Variants in GOLGA8A observed in about 807,000 individuals in gnomAD.
GOLGA8A encodes the protein golgin subfamily A member 8A.
A neutral mutation model predicts 22.1 loss-of-function variants in GOLGA8A; 3 were observed. The observed-to-expected ratio is 0.14, with a 90% CI of 0.06 to 0.35. The LOEUF is 0.35. Among genes scored for constraint, GOLGA8A ranks in the 10% least tolerant of loss-of-function variants. The pLI is 1.00. For synonymous variants in GOLGA8A, 7 were observed against 91.7 expected (o/e 0.08, Z 5.28); for missense variants, 16 against 233.2 (o/e 0.07, Z 6.07).
chr15:34,418,284 C>G (rs578262083), intron 2 of GOLGA8A: 1 of 136,642 alleles, frequency 7.3e-6, no homozygotes, highest in East Asian at 2.4e-4. Flanking sequence ...GAGCAAATTC[C>G]AAAGACATTG....
At chr15:34,418,130 T>TAAAAAAAAAAA (rs60344538) in intron 2 of GOLGA8A, 5 of 62,774 alleles carry the variant, frequency 8.0e-5, no homozygotes, top group South Asian at 1.2e-3. Flanking sequence ...GTAGATTCTT[T>TAAAAAAAAAAA]AAAAAAAAAA....
At chr15:34,429,933 A>G (rs1893154734) in intron 2 of GOLGA8A, among the ~76,000 whole-genome samples, 1 of 148,032 alleles carries the variant, frequency 6.8e-6, no homozygotes, top group Non-Finnish European at 1.5e-5. Flanking sequence ...AGATAAAAGG[A>G]GCAACACATA....
chr15:34,385,978 AG>A (rs1354652918), intron 12 of GOLGA8A, among the ~76,000 whole-genome samples, 200 bp from the exon 13 acceptor site: 1 of 132,706 alleles, frequency 7.5e-6, no homozygotes. Flanking sequence ...CACAACTCAA[AG>A]TCTGAATCAG....
chr15:34,397,508 T>C (rs1373964269), intron 8 of GOLGA8A, among the ~76,000 whole-genome samples: 4 of 148,644 alleles, frequency 2.7e-5, no homozygotes, highest in East Asian at 3.9e-4. Context: ...GAAACATTCA[T>C]TGTTTCTGAT....
chr15:34,435,072 C>T lies in GOLGA8A; in HGVS notation c.-1123+311G>A, dbSNP rs974376052. Among the ~76,000 whole-genome samples the T allele has an allele frequency of 2.0e-5, 3 of 149,640 alleles. 1 individual carries two copies. The highest frequency in any genetic ancestry group is 3.9e-4 in the East Asian group (2 of 5,088). On this transcript the variant is annotated intron_variant, in intron 2 of 24. Transcript: ENST00000359187. ...GTAAAGGTTTCTCCAAGACTTCAGA[C>T]GACGGTGTCACCTGAGGCCCTCACC...
chr15:34,386,544 G>GCCC, intron 12 of GOLGA8A, 81 bp downstream of exon 12: 1 of 1,378,600 alleles, frequency 7.3e-7, no homozygotes, highest in Non-Finnish European at 9.7e-7. Flanking sequence ...GGGGCCCCCA[G>GCCC]CCCCCTTCTT....
chr15:34,426,131 G>A (rs79356377), intron 2 of GOLGA8A, among the ~76,000 whole-genome samples: 12,941 of 148,236 alleles, frequency 0.087, 1,431 homozygotes, highest in South Asian at 0.23. Context: ...ACCCCATGCA[G>A]ATGCAAGGGT....
At chr15:34,428,992 T>A (rs375822589) in intron 2 of GOLGA8A, 1 of 147,012 alleles carries the variant, frequency 6.8e-6, no homozygotes, top group East Asian at 2.0e-4. Context: ...CAGAACCCAG[T>A]GGGGAGTGGG....
intron 12 of GOLGA8A, among the ~76,000 whole-genome samples, chr15:34,386,197 C>T (rs1891708509): frequency 6.9e-6 from 1 of 145,666 alleles, no homozygotes; most frequent in African/African-American, 2.7e-5. Flanking sequence ...TTCTAGGGGG[C>T]CTTTAAATCT....
At position 34,434,256 on chromosome 15, in the gene GOLGA8A, G is replaced by A. The variant is rs1893390035; in HGVS notation, c.-1123+1127C>T. On this transcript the variant is annotated intron_variant, in intron 2 of 24. Transcript: ENST00000359187. ...ATGGATGTGGAGGGAGCACTGGAAA[G>A]CCACTGAAGGCCTGGGCAATGGTGA... is the stretch of plus-strand genomic sequence containing the variant. 1.3e-5 allele frequency among the ~76,000 whole-genome samples: 2 copies of A among 149,512 alleles called. 1 individual carries two copies. Among genetic ancestry groups the A allele is most frequent in the Non-Finnish European group, 3.0e-5 (2 of 67,200 alleles).
rs1216305088 is a variant in GOLGA8A, at chr15:34,437,502, T to G, written c.-1316A>C. ...CGCCGCCGTCCTCGCCGCGCCGCCG[T>G]CCTCGCCGCGCCGCCGTCCTCGCCG... On this transcript the variant is annotated 5_prime_UTR_variant, in exon 1 of 25. Transcript: ENST00000359187. 1.8e-4 allele frequency: 6 copies of G among 33,876 alleles called. No homozygotes were observed. The highest frequency in any genetic ancestry group is 8.0e-4 in the African/African-American group (5 of 6,222). The allele number at this position is 33,876 out of a possible 1,614,324, so 2.1% of individuals were successfully genotyped here.
intron 2 of GOLGA8A, among the ~76,000 whole-genome samples, chr15:34,429,797 T>C (rs1340814324): frequency 6.8e-6 from 1 of 147,408 alleles, no homozygotes; most frequent in Non-Finnish European, 1.5e-5. Context: ...CTGCTCCCGG[T>C]TGTACCACTG....
Position 34,423,920 on chromosome 15 carries a change from T to C in GOLGA8A, c.-1123+11463A>G, listed in dbSNP as rs1362318218. Among the ~76,000 whole-genome samples, 13 of 148,626 alleles carry C rather than the reference T, an allele frequency of 8.7e-5. 1 individual carries two copies. Among genetic ancestry groups the C allele is most frequent in the Non-Finnish European group, 1.6e-4 (11 of 66,890 alleles). ...ACCACTGCCTGGGGGTCCTCACGTT[T>C]GGAGGAAGCAGCTGAGGCTACCAGC... On this transcript the variant is annotated intron_variant, in intron 2 of 24. Transcript: ENST00000359187.
rs1891397714 is a variant in GOLGA8A at position 34,379,944 on chromosome 15, T to C, written c.*1467A>G. On this transcript the variant is annotated 3_prime_UTR_variant, in exon 25 of 25. Coordinates refer to ENST00000359187, the MANE Select transcript of GOLGA8A (RefSeq NM_181077.5). ...ATTTCACTCTTCGTAAAGAAGTTTGTGAGGAAATACAACTCTGCGATCGTA... is the reference window on the plus strand; with the variant it reads ...ATTTCACTCTTCGTAAAGAAGTTTGCGAGGAAATACAACTCTGCGATCGTA... The C allele has an allele frequency of 6.6e-6, 1 of 152,666 alleles. No individual in the cohort carries two copies. The highest frequency in any genetic ancestry group is 1.5e-5 in the Non-Finnish European group (1 of 68,052). 9.5% of individuals were successfully genotyped at this position (152,666 alleles called of 1,614,324 possible). A position where few individuals can be genotyped will look rare whatever the true frequency, so the allele number is the denominator to read the frequency against.
rs1299579767 is a variant in GOLGA8A, at chr15:34,437,448, C to G, written c.-1262G>C. On this transcript the variant is annotated 5_prime_UTR_variant, in exon 1 of 25. Transcript: ENST00000359187. ...GTCCGCCGCCGTCCTCGCCGCGCCG[C>G]CGTCCTCGCCGCGCCGCCGTCCTCG... 1.5e-5 allele frequency: 2 copies of G among 136,562 alleles called. No homozygotes were observed. Among genetic ancestry groups the G allele is most frequent in the Non-Finnish European group, 3.2e-5 (2 of 61,952 alleles). 8.5% of individuals were successfully genotyped at this position (136,562 alleles called of 1,614,324 possible). A position where few individuals can be genotyped will look rare whatever the true frequency, so the allele number is the denominator to read the frequency against.
At chr15:34,435,085 T>C (rs1191983197) in intron 2 of GOLGA8A, among the ~76,000 whole-genome samples, 1 of 149,474 alleles carries the variant, frequency 6.7e-6, no homozygotes, top group Non-Finnish European at 1.5e-5. Flanking sequence ...CGGTGTCACC[T>C]GAGGCCCTCA....
intron 2 of GOLGA8A, among the ~76,000 whole-genome samples, chr15:34,425,948 G>A (rs993949599): frequency 4.2e-5 from 6 of 144,304 alleles, no homozygotes; most frequent in Non-Finnish European, 7.6e-5. Flanking sequence ...GATGTCCAGA[G>A]AGTGTCGATG....
At chr15:34,434,026 C>G (rs1893374491) in intron 2 of GOLGA8A, among the ~76,000 whole-genome samples, 1 of 148,724 alleles carries the variant, frequency 6.7e-6, no homozygotes, top group African/African-American at 2.5e-5. Context: ...CCTGGCAAAT[C>G]CGAGGACCAA....
At chr15:34,423,895 A>C (rs1279347198) in intron 2 of GOLGA8A, among the ~76,000 whole-genome samples, 1 of 148,734 alleles carries the variant, frequency 6.7e-6, no homozygotes, top group Non-Finnish European at 1.5e-5. Context: ...GGGGGCCACC[A>C]CCACTGCCTG....
Sources: gnomAD v4.1 joint callset for allele counts (sites outside exome capture counted in the v4.1 genomes callset) on GRCh38, gnomAD v4.1.1 for gene constraint, MANE v1.5 for transcripts, NCBI Gene and HGNC (gene_info 2026-07-23, HGNC 2026-07-21) for gene names.